Variants in GNA12 observed in about 807,000 individuals in gnomAD.
GNA12 encodes G protein subunit alpha 12, also known as guanine nucleotide-binding protein subunit alpha-12.
A neutral mutation model predicts 26.0 loss-of-function variants in GNA12; 9 were observed. The ratio of observed to expected loss-of-function variants is 0.35; its 90% CI spans 0.21 to 0.60. GNA12 has a LOEUF of 0.60. Among genes scored for constraint, GNA12 ranks in the 20% least tolerant of loss-of-function variants. The probability of loss-of-function intolerance (pLI) is 0.78; values close to 1 mark genes in which losing one functional copy is unlikely to be tolerated. For synonymous variants in GNA12, 264 were observed against 219.6 expected, an observed-to-expected ratio of 1.20 and a Z score of -1.79; for missense variants, 405 against 525.8, an observed-to-expected ratio of 0.77 and a Z score of 2.25.
chr7:2,834,418 G>A (rs923499610), intron 1 of GNA12, among the ~76,000 whole-genome samples: 2 of 152,200 alleles, frequency 1.3e-5, no homozygotes, highest in Admixed American at 6.5e-5. Flanking sequence ...CATTCACGCT[G>A]TATGTTAAAG....
chr7:2,805,906 G>A lies in GNA12; in HGVS notation c.310-10763C>T, dbSNP rs545178869. On this transcript the variant is annotated intron_variant, in intron 1 of 3. Transcript: ENST00000275364. ...CCACGAGGGCCACCGAGCAGTGGAC[G>A]TGCGGCCCAGCTGAACTGAGAGGTA... 1.6e-4 allele frequency among the ~76,000 whole-genome samples: 25 copies of A among 152,276 alleles called. No individual in the cohort carries two copies. The South Asian group carries it at 4.6e-3, about 28-fold the overall frequency.
chr7:2,752,185 G>C (rs934750982), intron 2 of GNA12, among the ~76,000 whole-genome samples: 1 of 151,898 alleles, frequency 6.6e-6, no homozygotes, highest in Non-Finnish European at 1.5e-5. Flanking sequence ...AAAAAAATAC[G>C]AATGTTTCAA....
chr7:2,778,400 C>T (rs564327613), intron 2 of GNA12, among the ~76,000 whole-genome samples: 2 of 152,258 alleles, frequency 1.3e-5, no homozygotes, highest in Non-Finnish European at 2.9e-5. Context: ...CCACCTCCCT[C>T]CTATCTCTTT....
chr7:2,747,875 A>G (rs1400112466), intron 2 of GNA12, among the ~76,000 whole-genome samples: 1 of 152,190 alleles, frequency 6.6e-6, no homozygotes, highest in Admixed American at 6.5e-5. Context: ...AATAACAGAC[A>G]AACAGCCAAA....
At chr7:2,806,514 T>G (rs1792954266) in intron 1 of GNA12, among the ~76,000 whole-genome samples, 1 of 151,136 alleles carries the variant, frequency 6.6e-6, no homozygotes, top group Non-Finnish European at 1.5e-5. Context: ...TGTCTTTTTC[T>G]GATTATAAAA....
At chr7:2,835,688 TA>T in intron 1 of GNA12, 1 of 1,049,734 alleles carries the variant, frequency 9.5e-7, no homozygotes, top group Non-Finnish European at 1.5e-6. Flanking sequence ...CAACAAAAGA[TA>T]AACAAATTTG....
chr7:2,735,335 A>G (rs539604059), intron 2 of GNA12, among the ~76,000 whole-genome samples: 4 of 152,310 alleles, frequency 2.6e-5, no homozygotes, highest in Admixed American at 2.6e-4. Flanking sequence ...TGGTGGCACC[A>G]GGCACGAAGG....
intron 1 of GNA12, among the ~76,000 whole-genome samples, chr7:2,807,912 C>T (rs989082244): frequency 6.6e-6 from 1 of 152,174 alleles, no homozygotes; most frequent in African/African-American, 2.4e-5. Context: ...TCATGAAAAA[C>T]CTGTTCGCGC....
intron 2 of GNA12, among the ~76,000 whole-genome samples, chr7:2,743,924 A>G (rs1214542169): frequency 1.3e-5 from 2 of 151,876 alleles, no homozygotes; most frequent in African/African-American, 4.8e-5. Context: ...GCTCATTGCT[A>G]GCACAGCAGT....
intron 2 of GNA12, chr7:2,762,585 T>C (rs752285975): frequency 1.3e-5 from 19 of 1,495,722 alleles, no homozygotes; most frequent in Non-Finnish European, 1.7e-5. Flanking sequence ...AAATTACATT[T>C]ACAAACCCAA....
chr7:2,842,642 A>C (rs533461738), intron 1 of GNA12, among the ~76,000 whole-genome samples: 1 of 152,352 alleles, frequency 6.6e-6, no homozygotes, highest in African/African-American at 2.4e-5. Flanking sequence ...AGAAAAAAGG[A>C]AGCAAGAGAC....
chr7:2,838,524 C>T (rs886688655), intron 1 of GNA12, among the ~76,000 whole-genome samples: 8 of 152,124 alleles, frequency 5.3e-5, no homozygotes, highest in African/African-American at 1.9e-4. Context: ...GTCAAGACTA[C>T]AGTGAGCCAT....
chr7:2,758,839 G>A (rs890289933), intron 2 of GNA12, among the ~76,000 whole-genome samples: 12 of 152,166 alleles, frequency 7.9e-5, no homozygotes, highest in East Asian at 3.9e-4. Context: ...GGTTATCACC[G>A]CATGTATCAA....
intron 1 of GNA12, among the ~76,000 whole-genome samples, chr7:2,837,620 C>A (rs944453076): frequency 6.6e-6 from 1 of 152,108 alleles, no homozygotes; most frequent in Non-Finnish European, 1.5e-5. Context: ...GGAGAGGAGA[C>A]CAACTCAAAC....
chr7:2,757,343 G>A (rs1178638489), intron 2 of GNA12, among the ~76,000 whole-genome samples: 1 of 152,052 alleles, frequency 6.6e-6, no homozygotes, highest in Non-Finnish European at 1.5e-5. Flanking sequence ...GCCATGTCAG[G>A]TGGGCCTTTT....
chr7:2,739,650 G>A (rs1237650761), intron 2 of GNA12, among the ~76,000 whole-genome samples: 1 of 152,108 alleles, frequency 6.6e-6, no homozygotes, highest in Non-Finnish European at 1.5e-5. Context: ...TATACACCTA[G>A]GAGTGAAACT....
At chr7:2,792,953 G>A (rs1048160252) in intron 2 of GNA12, among the ~76,000 whole-genome samples, 4 of 152,162 alleles carry the variant, frequency 2.6e-5, no homozygotes, top group Non-Finnish European at 5.9e-5. Context: ...GAGAAAGGTG[G>A]CCAACAGTGC....
intron 2 of GNA12, among the ~76,000 whole-genome samples, chr7:2,740,259 T>G (rs1790431707): frequency 6.6e-6 from 1 of 152,196 alleles, no homozygotes; most frequent in African/African-American, 2.4e-5. Context: ...GCTCCCAGAA[T>G]TCCCATGTGG....
chr7:2,838,858 T>C (rs1463586156), intron 1 of GNA12, among the ~76,000 whole-genome samples: 1 of 152,124 alleles, frequency 6.6e-6, no homozygotes, highest in Non-Finnish European at 1.5e-5. Context: ...TCCTAAACAT[T>C]TATGCACCAC....
Sources: gnomAD v4.1 joint callset for allele counts (sites outside exome capture counted in the v4.1 genomes callset) on GRCh38, gnomAD v4.1.1 for gene constraint, MANE v1.5 for transcripts, NCBI Gene and HGNC (gene_info 2026-07-23, HGNC 2026-07-21) for gene names.